Variants in MAGI3 observed in about 807,000 individuals in gnomAD.
The protein encoded by MAGI3 is membrane-associated guanylate kinase, WW and PDZ domain-containing protein 3.
Under a neutral mutation model 121.8 loss-of-function variants are expected in MAGI3, and 43 were observed. That is an observed-to-expected ratio of 0.35 (90% confidence interval 0.28 to 0.46). The LOEUF (loss-of-function observed/expected upper bound fraction) is 0.46, where lower values mean the gene tolerates loss of function less well. Among genes scored for constraint, MAGI3 ranks in the 20% least tolerant of loss-of-function variants. MAGI3 has a pLI of 1.00. For synonymous variants in MAGI3, 553 were observed against 639.3 expected, an observed-to-expected ratio of 0.86 and a Z score of 2.04; for missense variants, 1,547 against 1,797.3, an observed-to-expected ratio of 0.86 and a Z score of 2.52.
chr1:113,633,482 C>T (rs1332582189), intron 9 of MAGI3, among the ~76,000 whole-genome samples: 18 of 151,480 alleles, frequency 1.2e-4, no homozygotes, highest in African/African-American at 4.1e-4. Context: ...GGGATGGTCT[C>T]GATCTCCTGA....
intron 9 of MAGI3, among the ~76,000 whole-genome samples, chr1:113,638,050 G>A (rs941322894): frequency 7.9e-5 from 12 of 151,894 alleles, no homozygotes; most frequent in African/African-American, 1.9e-4. Context: ...CATTCCTCAC[G>A]TAGTTCTCGA....
At chr1:113,410,644 A>AT (rs1033543747) in intron 1 of MAGI3, among the ~76,000 whole-genome samples, 26 of 150,860 alleles carry the variant, frequency 1.7e-4, no homozygotes, top group African/African-American at 2.9e-4. Flanking sequence ...CCAAAAAAAG[A>AT]TTTTTTTTTC....
intron 2 of MAGI3, among the ~76,000 whole-genome samples, chr1:113,571,944 G>C (rs1190456017): frequency 2.6e-5 from 4 of 152,204 alleles, no homozygotes; most frequent in African/African-American, 9.7e-5. Flanking sequence ...AATAGGAGTG[G>C]TGAGAGAGGG....
intron 19 of MAGI3, among the ~76,000 whole-genome samples, chr1:113,675,730 C>G (rs996915498): frequency 1.3e-5 from 2 of 152,132 alleles, no homozygotes; most frequent in Non-Finnish European, 2.9e-5. Flanking sequence ...AGCCACAGAG[C>G]CAAAGCTGCA....
At chr1:113,554,677 A>T (rs1659916375) in intron 2 of MAGI3, among the ~76,000 whole-genome samples, 1 of 152,108 alleles carries the variant, frequency 6.6e-6, no homozygotes, top group Admixed American at 6.6e-5. Flanking sequence ...AAGTGGAGGA[A>T]GGAGAAAAAA....
At chr1:113,640,976 TAA>T (rs1491148085) in intron 9 of MAGI3, among the ~76,000 whole-genome samples, 2 of 135,534 alleles carry the variant, frequency 1.5e-5, no homozygotes, top group African/African-American at 5.5e-5. Context: ...ATATGATATA[TAA>T]TATATATACA....
intron 1 of MAGI3, among the ~76,000 whole-genome samples, chr1:113,472,984 G>A (rs377670977): frequency 6.6e-6 from 1 of 152,126 alleles, no homozygotes; most frequent in Non-Finnish European, 1.5e-5. Flanking sequence ...AGTTGAAAGC[G>A]ATTTACACAC....
At position 113,641,935 on chromosome 1, in the gene MAGI3, G is replaced by A. The variant is rs1291296459; in HGVS notation, c.1385G>A (p.Gly462Asp). 1.9e-6 allele frequency: 3 copies of A among 1,589,700 alleles called. No homozygotes were observed. Among genetic ancestry groups the A allele is most frequent in the Non-Finnish European group, 2.6e-6 (3 of 1,160,490 alleles). The change falls in exon 10 of 21, where the codon GGC becomes GAC. Residue 462 changes from glycine to aspartate, a missense_variant. Coordinates refer to ENST00000307546, the MANE Select transcript of MAGI3 (RefSeq NM_001142782.2). ...APGDVIVDIN[G>D]NCVLGHTHAD... Reference sequence around the variant, plus strand: ...GGCGATGTTATTGTAGACATCAATGGCAACTGTGTCCTCGGTCACACTCAT... The same window carrying A: ...GGCGATGTTATTGTAGACATCAATGACAACTGTGTCCTCGGTCACACTCAT...
chr1:113,419,114 A>G (rs1249376007), intron 1 of MAGI3, among the ~76,000 whole-genome samples: 1 of 152,134 alleles, frequency 6.6e-6, no homozygotes, highest in Non-Finnish European at 1.5e-5. Flanking sequence ...AGTTTACATG[A>G]TAAGTAAAAG....
intron 11 of MAGI3, among the ~76,000 whole-genome samples, chr1:113,645,870 A>G (rs945509806): frequency 6.6e-6 from 1 of 152,190 alleles, no homozygotes; most frequent in East Asian, 1.9e-4. Context: ...ATCTTGGGAA[A>G]GTTCTAGCTG....
At chr1:113,535,466 CTT>C (rs879614937) in intron 1 of MAGI3, among the ~76,000 whole-genome samples, 10 of 151,824 alleles carry the variant, frequency 6.6e-5, no homozygotes, top group African/African-American at 2.4e-4. Context: ...GCACCTTCCT[CTT>C]TTTTTTAACT....
At chr1:113,489,321 T>A (rs1656563152) in intron 1 of MAGI3, among the ~76,000 whole-genome samples, 1 of 152,198 alleles carries the variant, frequency 6.6e-6, no homozygotes, top group Admixed American at 6.5e-5. Context: ...GCCAGTCTGC[T>A]GAATTCACCT....
In MAGI3 at chr1:113,493,890, G is replaced by T. The variant is rs1293357859; in HGVS notation, c.317-55625G>T. Among the ~76,000 whole-genome samples, 5 of 152,158 alleles carry T rather than the reference G, an allele frequency of 3.3e-5. No homozygotes were observed. The South Asian group carries it at 1.0e-3, about 31-fold the overall frequency. Reference sequence around the variant, plus strand: ...CAACAGATGCTGGTGAGGTTGGAGAGAAAAAGGAACACTTATACGCTGTTG... The same window carrying T: ...CAACAGATGCTGGTGAGGTTGGAGATAAAAAGGAACACTTATACGCTGTTG... On this transcript the variant is annotated intron_variant, in intron 1 of 20. Transcript: ENST00000307546.
At chr1:113,411,735 T>C (rs902426470) in intron 1 of MAGI3, among the ~76,000 whole-genome samples, 2 of 151,710 alleles carry the variant, frequency 1.3e-5, no homozygotes, top group African/African-American at 4.8e-5. Flanking sequence ...TTTTTTTCTA[T>C]AAAAGTGAAC....
rs1652576992 is a variant in MAGI3 at position 113,642,107 on chromosome 1, A to G, written c.1557A>G (p.Leu519=). The G allele has an allele frequency of 1.2e-6, 2 of 1,614,058 alleles. No homozygotes were observed. The highest frequency in any genetic ancestry group is 8.5e-7 in the Non-Finnish European group (1 of 1,180,024). The part of the protein sequence containing the change: ...AATPVINGQS[L]TKGETCMNPQ... ...CCCCTGTCATCAATGGACAGTCATT[A>G]ACCAAGGGAGAGACTTGCATGAATC... The change falls in exon 10 of 21, where the codon TTA becomes TTG. Residue 519 remains leucine, a synonymous_variant. Transcript: ENST00000307546.
intron 1 of MAGI3, among the ~76,000 whole-genome samples, chr1:113,492,900 C>T (rs890477966): frequency 2.0e-5 from 3 of 152,114 alleles, no homozygotes; most frequent in Non-Finnish European, 4.4e-5. Flanking sequence ...AGAGATGACA[C>T]AAACAAATGG....
At chr1:113,582,717 G>A (rs1379016914) in intron 3 of MAGI3, among the ~76,000 whole-genome samples, 1 of 151,898 alleles carries the variant, frequency 6.6e-6, no homozygotes, top group Non-Finnish European at 1.5e-5. Context: ...AGCTCAGGGA[G>A]GGAGTGGCTA....
chr1:113,629,268 C>A (rs1002534026), intron 9 of MAGI3, among the ~76,000 whole-genome samples: 4 of 152,088 alleles, frequency 2.6e-5, no homozygotes, highest in Non-Finnish European at 5.9e-5. Context: ...CTGTTTGATT[C>A]TTTTTAATTA....
intron 1 of MAGI3, among the ~76,000 whole-genome samples, chr1:113,522,906 CAATG>C (rs1658271473): frequency 6.6e-6 from 1 of 152,126 alleles, no homozygotes; most frequent in South Asian, 2.1e-4. Context: ...AAGAAAGAGA[CAATG>C]AAAGTATTTA....
Sources: gnomAD v4.1 joint callset for allele counts (sites outside exome capture counted in the v4.1 genomes callset) on GRCh38, gnomAD v4.1.1 for gene constraint, MANE v1.5 for transcripts, NCBI Gene and HGNC (gene_info 2026-07-23, HGNC 2026-07-21) for gene names.